ADGRV1: variants seen among roughly 807,000 people sequenced by gnomAD.
The protein encoded by ADGRV1 is adhesion G protein-coupled receptor V1, also known as G-protein coupled receptor 98.
In ADGRV1, 359 loss-of-function variants were observed where a neutral mutation model predicts 596.2. The observed-to-expected ratio is 0.60, with a 90% confidence interval of 0.55 to 0.66. The LOEUF (loss-of-function observed/expected upper bound fraction) is 0.66, where lower values mean the gene tolerates loss of function less well. Ranked by LOEUF, ADGRV1 falls within the 30% of genes least tolerant of loss-of-function variation. The pLI is 0.00. For missense variants in ADGRV1, 7,274 were observed against 7,575.6 expected, an observed-to-expected ratio of 0.96 and a Z score of 1.48; for synonymous variants, 2,681 against 2,679.2, an observed-to-expected ratio of 1.00 and a Z score of -0.02.
At chr5:90,617,155 T>G (rs1763466885) in intron 2 of ADGRV1, 1 of 152,190 alleles carries the variant, frequency 6.6e-6, no homozygotes, top group African/African-American at 2.4e-5. Flanking sequence ...TAGCTATAAT[T>G]TGTCTTATTG....
intron 83 of ADGRV1, among the ~76,000 whole-genome samples, chr5:90,955,322 T>G (rs1297555708): frequency 1.3e-5 from 2 of 152,216 alleles, no homozygotes; most frequent in African/African-American, 4.8e-5. Context: ...TTGCTTTCTG[T>G]CTGAAAATAA....
chr5:90,684,441 A>G (rs1278078814), intron 28 of ADGRV1, among the ~76,000 whole-genome samples: 1 of 152,170 alleles, frequency 6.6e-6, no homozygotes, highest in Non-Finnish European at 1.5e-5. Context: ...ACTCTATTAT[A>G]ACAAGGTTGG....
chr5:90,740,131 G>A (rs574061843), intron 50 of ADGRV1, among the ~76,000 whole-genome samples: 1 of 152,248 alleles, frequency 6.6e-6, no homozygotes, highest in African/African-American at 2.4e-5. Context: ...TCTGCAGCTG[G>A]GTCTGAGTAG....
At chr5:90,920,114 C>T (rs1773747335) in intron 83 of ADGRV1, among the ~76,000 whole-genome samples, 1 of 151,750 alleles carries the variant, frequency 6.6e-6, no homozygotes, top group South Asian at 2.1e-4. Context: ...AAACAACCAA[C>T]ATTTATTTCT....
intron 77 of ADGRV1, among the ~76,000 whole-genome samples, chr5:90,830,424 A>T: frequency 6.6e-6 from 1 of 152,144 alleles, no homozygotes; most frequent in East Asian, 1.9e-4. Flanking sequence ...GTATATCGTT[A>T]TAACTTACTA....
chr5:90,664,971 T>C (rs530027079), intron 21 of ADGRV1, among the ~76,000 whole-genome samples: 238 of 152,148 alleles, frequency 1.6e-3, no homozygotes, highest in African/African-American at 5.4e-3. Flanking sequence ...GCCCACTTGA[T>C]CATGGTAGAT....
chr5:90,864,983 G>A (rs1425029522), intron 83 of ADGRV1, among the ~76,000 whole-genome samples: 2 of 152,024 alleles, frequency 1.3e-5, no homozygotes, highest in Non-Finnish European at 2.9e-5. Flanking sequence ...GAAAAAAATA[G>A]CGTTTGTGGT....
At chr5:90,848,954 A>G (rs1039016146) in intron 79 of ADGRV1, 133 bp downstream of exon 79, 1 of 581,924 alleles carries the variant, frequency 1.7e-6, no homozygotes, top group Non-Finnish European at 2.8e-6. Context: ...TACCACTTGG[A>G]AAGTTGAAGT....
intron 89 of ADGRV1, among the ~76,000 whole-genome samples, 162 bp from the exon 90 acceptor site, chr5:91,163,620 G>T (rs1797129898): frequency 6.6e-6 from 1 of 152,152 alleles, no homozygotes; most frequent in African/African-American, 2.4e-5. Context: ...GTAAAAGATA[G>T]TTTCATAATT....
At chr5:90,858,865 C>T (rs564761816) in intron 82 of ADGRV1, among the ~76,000 whole-genome samples, 1 of 152,294 alleles carries the variant, frequency 6.6e-6, no homozygotes, top group East Asian at 1.9e-4. Flanking sequence ...CTAAGCATCA[C>T]ACTAGCAATG....
chr5:90,987,374 G>A (rs907352964), intron 85 of ADGRV1, among the ~76,000 whole-genome samples: 3 of 150,622 alleles, frequency 2.0e-5, no homozygotes, highest in Non-Finnish European at 4.4e-5. Context: ...GGAGGCTGCG[G>A]CAGGAGAATC....
At position 90,810,974 on chromosome 5, in the gene ADGRV1, C is replaced by G; in HGVS notation, c.15714C>G (p.Phe5238Leu). The change falls in exon 74 of 90, where the codon TTC becomes TTG. Residue 5238 changes from phenylalanine (F) to leucine (L), a missense_variant. Physicochemically the swap from Phe to Leu is conservative, Grantham distance 22 (BLOSUM62 0). Around this residue, in one of 5 missense-constraint regions of ADGRV1, gnomAD observed 1,874 missense variants for 1,970.2 expected, o/e 0.95. Transcript: ENST00000405460. ...AAGAGGAGATGAAGAATGGCACATT[C>G]AACACTGCAGAAGTTCTTATCCGAA... Reference protein sequence around the residue: ...YIEEEMKNGTFNTAEVLIRRT... With the variant: ...YIEEEMKNGTLNTAEVLIRRT... 4 of 1,613,994 alleles carry G rather than the reference C, an allele frequency of 2.5e-6. No individual in the cohort carries two copies. Among genetic ancestry groups the G allele is most frequent in the Admixed American group, 1.7e-5 (1 of 60,022 alleles).
chr5:90,897,205 A>C (rs562538772), intron 83 of ADGRV1, among the ~76,000 whole-genome samples: 1 of 152,358 alleles, frequency 6.6e-6, no homozygotes, highest in African/African-American at 2.4e-5. Context: ...CTTACATATA[A>C]ATATAAATAT....
At chr5:91,104,064 T>A (rs1242079577) in intron 87 of ADGRV1, among the ~76,000 whole-genome samples, 1 of 152,220 alleles carries the variant, frequency 6.6e-6, no homozygotes, top group Non-Finnish European at 1.5e-5. Context: ...GATTTTTCTT[T>A]GTATTGTTCT....
At chr5:91,099,724 C>T in intron 86 of ADGRV1, among the ~76,000 whole-genome samples, 1 of 152,086 alleles carries the variant, frequency 6.6e-6, no homozygotes, top group Non-Finnish European at 1.5e-5. Context: ...AGAAGTAGAT[C>T]TCTTACCAAC....
intron 79 of ADGRV1, among the ~76,000 whole-genome samples, chr5:90,850,266 A>G (rs1433705979): frequency 2.0e-5 from 3 of 152,154 alleles, no homozygotes; most frequent in African/African-American, 7.2e-5. Context: ...ACATATCCCT[A>G]TACTCTACTT....
chr5:90,793,746 C>T (rs191541124), intron 70 of ADGRV1, among the ~76,000 whole-genome samples: 3 of 152,126 alleles, frequency 2.0e-5, no homozygotes, highest in East Asian at 1.9e-4. Context: ...TGTCTTTGAA[C>T]CCATTTTAAT....
rs754230545 is a variant in ADGRV1, at chr5:90,706,267, T to G, written c.8603T>G (p.Met2868Arg). 2.5e-6 allele frequency: 4 copies of G among 1,613,356 alleles called. No homozygotes were observed. Among genetic ancestry groups the G allele is most frequent in the Non-Finnish European group, 3.4e-6 (4 of 1,179,606 alleles). Residue 2868 changes from methionine to arginine, a missense_variant, in exon 38 of 90, where the codon ATG becomes AGG. Transcript: ENST00000405460. Reference sequence around the variant, plus strand: ...GTCACATATACCACGGTTCCTGGAATGCTGAGTCTGAAGAACCAAACAGTA... The same window carrying G: ...GTCACATATACCACGGTTCCTGGAAGGCTGAGTCTGAAGAACCAAACAGTA... ...INVTYTTVPGMLSLKNQTVGN... is the reference protein window; with the variant it reads ...INVTYTTVPGRLSLKNQTVGN...
chr5:91,126,850 G>C (rs1446415355), intron 87 of ADGRV1, among the ~76,000 whole-genome samples: 1 of 152,148 alleles, frequency 6.6e-6, no homozygotes, highest in Admixed American at 6.5e-5. Flanking sequence ...AGCAACAGCA[G>C]ATATGCCTGG....
Sources: gnomAD v4.1 joint callset for allele counts (sites outside exome capture counted in the v4.1 genomes callset) on GRCh38, gnomAD v4.1.1 for gene constraint, gnomAD v4.1.1 regional missense constraint, MANE v1.5 for transcripts, NCBI Gene and HGNC (gene_info 2026-07-23, HGNC 2026-07-21) for gene names.